ZNF607: variants seen among roughly 807,000 people sequenced by gnomAD.
ZNF607 encodes zinc finger protein 607.
ZNF607 carries 5 observed loss-of-function variants against 12.8 expected under a neutral mutation model. The observed-to-expected ratio is 0.39, with a 90% CI of 0.20 to 0.82. ZNF607 has a LOEUF of 0.82. ZNF607 is among the 40% of genes least tolerant of loss of function. The pLI is 0.39. For synonymous variants in ZNF607, 287 were observed against 276.2 expected (o/e 1.04, Z -0.39); for missense variants, 851 against 859.2 (o/e 0.99, Z 0.12).
chr19:37,701,252 GTGT>G (rs1172297796), intron 4 of ZNF607, among the ~76,000 whole-genome samples: 1 of 152,164 alleles, frequency 6.6e-6, no homozygotes, highest in African/African-American at 2.4e-5. Context: ...AAAAATAGTA[GTGT>G]TGAATATGAA....
rs768575302 is a variant in ZNF607 at position 37,699,600 on chromosome 19, C to T, written c.531G>A (p.Lys177=). The change falls in exon 5 of 5, where the codon AAG becomes AAA. Residue 177 remains lysine, a synonymous_variant. Coordinates refer to ENST00000355202, the MANE Select transcript of ZNF607 (RefSeq NM_032689.5). The part of the protein sequence containing the change: ...EKPYECEECG[K]VFSYPANLAQ... ...CAAGGTTTGCAGGATAACTGAAGAC[C>T]TTCCCACATTCTTCACATTCATAAG... is the stretch of plus-strand genomic sequence containing the variant. 3.7e-6 allele frequency: 6 copies of T among 1,614,078 alleles called. No individual in the cohort carries two copies. The South Asian group carries it at 4.4e-5, about 12-fold the overall frequency.
In ZNF607 at chr19:37,699,637, G is replaced by C. The variant is rs1313583747; in HGVS notation, c.494C>G (p.Ala165Gly). 4.3e-6 allele frequency: 7 copies of C among 1,613,952 alleles called. No individual in the cohort carries two copies. The highest frequency in any genetic ancestry group is 1.3e-5 in the African/African-American group (1 of 74,912). ...TTCACATTCATAAGGTTTCTCACGAGCATTAATTTTCTGATGCTTTCTAAG... is the reference window on the plus strand; with the variant it reads ...TTCACATTCATAAGGTTTCTCACGACCATTAATTTTCTGATGCTTTCTAAG... ...TDLRKHQKINAREKPYECEEC... is the reference protein window; with the variant it reads ...TDLRKHQKINGREKPYECEEC... The change falls in exon 5 of 5, where the codon GCT becomes GGT. Residue 165 changes from alanine (A) to glycine (G), a missense_variant. By Grantham distance (60) the Ala-to-Gly change is moderately conservative. Transcript: ENST00000355202.
chr19:37,718,444 C>T (rs2045196377), intron 1 of ZNF607, among the ~76,000 whole-genome samples: 1 of 152,150 alleles, frequency 6.6e-6, no homozygotes, highest in Non-Finnish European at 1.5e-5. Context: ...TGCAATCATC[C>T]TTCACTGCAG....
At chr19:37,711,547 G>A (rs2145244351) in intron 2 of ZNF607, 63 bp downstream of exon 2, 11 of 1,561,548 alleles carry the variant, frequency 7.0e-6, no homozygotes, top group Non-Finnish European at 9.7e-6. Flanking sequence ...AAAATGATGA[G>A]AAGACATACA....
At position 37,698,265 on chromosome 19, in the gene ZNF607, A is replaced by G. The variant is rs376935991; in HGVS notation, c.1866T>C (p.Cys622=). 6.2e-7 allele frequency: 1 copy of G among 1,614,066 alleles called. No individual in the cohort carries two copies. Among genetic ancestry groups the G allele is most frequent in the African/African-American group, 1.3e-5 (1 of 74,928 alleles). ...ATGAGGCACAGTGAAATGCCTTCCC[A>G]CATCTTTTACATTCATAGGGTTTAT... ...TSDKPYECKR[C]GKAFHCASYL... Residue 622 remains cysteine, a synonymous_variant, in exon 5 of 5, where the codon TGT becomes TGC. Transcript: ENST00000355202.
intron 3 of ZNF607, among the ~76,000 whole-genome samples, chr19:37,709,381 C>T (rs1317031317): frequency 2.0e-5 from 3 of 152,172 alleles, no homozygotes; most frequent in Admixed American, 6.5e-5. Context: ...GAAACCTGAA[C>T]GCCCTGACAA....
Position 37,697,062 on chromosome 19 carries a change from T to A in ZNF607, c.*978A>T. On this transcript the variant is annotated 3_prime_UTR_variant, in exon 5 of 5. Coordinates refer to ENST00000355202, the MANE Select transcript of ZNF607 (RefSeq NM_032689.5). ...AATGAACGGCAGCACACACTCATCG[T>A]AGTCCTCTCCAATGCTGGTGAAGAT... The A allele has an allele frequency of 1.4e-6, 1 of 739,638 alleles. No individual in the cohort carries two copies. The highest frequency in any genetic ancestry group is 2.5e-6 in the Non-Finnish European group (1 of 395,020). The allele number at this position is 739,638 out of a possible 1,614,324, so 45.8% of individuals were successfully genotyped here. A position where few individuals can be genotyped will look rare whatever the true frequency, so the allele number is the denominator to read the frequency against.
Position 37,698,058 on chromosome 19 carries a change from A to G in ZNF607, c.2073T>C (p.His691=). 1 of 1,597,348 alleles carries G rather than the reference A, an allele frequency of 6.3e-7. No individual in the cohort carries two copies. Among genetic ancestry groups the G allele is most frequent in the Non-Finnish European group, 8.5e-7 (1 of 1,174,202 alleles). ...TTCTCTATCAAATATGAATTCTCTG[A>G]TGTACTTCAAGGATGGATCTAAGCC... ...SFRLRSILEV[H]QRIHI is the part of the protein sequence containing the mutation. Residue 691 remains histidine (H), a synonymous_variant, in exon 5 of 5, where the codon CAT becomes CAC. Transcript: ENST00000355202.
Position 37,697,958 on chromosome 19 carries a change from T to C in ZNF607, c.*82A>G. On this transcript the variant is annotated 3_prime_UTR_variant, in exon 5 of 5. Transcript: ENST00000355202. ...TGTATCTCAAAGCCATTCCACATTGTCTTCATTCAAATTGTTCAGTGGGAT... is the reference window on the plus strand; with the variant it reads ...TGTATCTCAAAGCCATTCCACATTGCCTTCATTCAAATTGTTCAGTGGGAT... 8.2e-6 allele frequency: 11 copies of C among 1,340,034 alleles called. No homozygotes were observed. In the South Asian group the frequency reaches 1.6e-4, roughly 19 times the overall value. 83.0% of individuals were successfully genotyped at this position (1,340,034 alleles called of 1,614,324 possible). A position where few individuals can be genotyped will look rare whatever the true frequency, so the allele number is the denominator to read the frequency against.
At position 37,699,323 on chromosome 19, in the gene ZNF607, C is replaced by T. The variant is rs760845651; in HGVS notation, c.808G>A (p.Val270Ile). 3 of 1,612,638 alleles carry T rather than the reference C, an allele frequency of 1.9e-6. No individual in the cohort carries two copies. The highest frequency in any genetic ancestry group is 2.5e-6 in the Non-Finnish European group (3 of 1,179,580). The change falls in exon 5 of 5, where the codon GTA (valine) becomes ATA (isoleucine). Residue 270 changes from valine to isoleucine, a missense_variant. Coordinates refer to ENST00000355202, the MANE Select transcript of ZNF607 (RefSeq NM_032689.5). ...TCTCCAGTATGAATACTCTGATGTACTTTAAGGCCTGCTTTGAGCCTAAAG... is the reference window on the plus strand; with the variant it reads ...TCTCCAGTATGAATACTCTGATGTATTTTAAGGCCTGCTTTGAGCCTAAAG... ...KSFRLKAGLK[V>I]HQSIHTGEKP...
At chr19:37,704,729 G>A (rs368729216) in intron 4 of ZNF607, among the ~76,000 whole-genome samples, 21 of 152,272 alleles carry the variant, frequency 1.4e-4, no homozygotes, top group Middle Eastern at 6.8e-3. Context: ...CCGGGCGAGC[G>A]GGCGGATCAC....
intron 3 of ZNF607, among the ~76,000 whole-genome samples, chr19:37,709,170 T>C (rs2045110803): frequency 6.6e-6 from 1 of 152,220 alleles, no homozygotes; most frequent in South Asian, 2.1e-4. Flanking sequence ...ATAAATCAAA[T>C]GAATTCTGTC....
intron 1 of ZNF607, among the ~76,000 whole-genome samples, chr19:37,716,667 T>C: frequency 6.6e-6 from 1 of 152,192 alleles, no homozygotes; most frequent in Non-Finnish European, 1.5e-5. Context: ...ATTTGTAAAG[T>C]GATTCTCTCT....
At chr19:37,708,338 G>C (rs2145238771) in intron 3 of ZNF607, among the ~76,000 whole-genome samples, 1 of 151,818 alleles carries the variant, frequency 6.6e-6, no homozygotes, top group South Asian at 2.1e-4. Flanking sequence ...TGGGATTATA[G>C]GCGTGCACCA....
At position 37,698,267 on chromosome 19, in the gene ZNF607, A is replaced by G. The variant is rs937531905; in HGVS notation, c.1864T>C (p.Cys622Arg). The G allele has an allele frequency of 1.9e-6, 3 of 1,614,062 alleles. No homozygotes were observed. The highest frequency in any genetic ancestry group is 1.3e-5 in the African/African-American group (1 of 74,918). ...TSDKPYECKRCGKAFHCASYL... is the reference protein window; with the variant it reads ...TSDKPYECKRRGKAFHCASYL... The stretch of plus-strand genomic sequence containing the variant: ...GAGGCACAGTGAAATGCCTTCCCAC[A>G]TCTTTTACATTCATAGGGTTTATCA... Residue 622 changes from cysteine (C) to arginine (R), a missense_variant, in exon 5 of 5, where the codon TGT (cysteine) becomes CGT (arginine). Coordinates refer to ENST00000355202, the MANE Select transcript of ZNF607 (RefSeq NM_032689.5).
intron 1 of ZNF607, among the ~76,000 whole-genome samples, chr19:37,716,440 G>C (rs868825966): frequency 1.3e-5 from 2 of 152,330 alleles, no homozygotes; most frequent in South Asian, 4.1e-4. Context: ...TTTAGCATGA[G>C]TGACTTCATT....
intron 1 of ZNF607, among the ~76,000 whole-genome samples, chr19:37,717,375 C>T (rs545866972): frequency 5.6e-4 from 85 of 151,898 alleles, no homozygotes; most frequent in Non-Finnish European, 7.4e-4. Flanking sequence ...TTAGTAGAGA[C>T]GGGGTTTCAC....
chr19:37,697,006 G>A lies in ZNF607; in HGVS notation c.*1034C>T, dbSNP rs1568401367. 4 of 717,812 alleles carry A rather than the reference G, an allele frequency of 5.6e-6. No homozygotes were observed. Among genetic ancestry groups the A allele is most frequent in the East Asian group, 2.7e-5 (1 of 37,454 alleles). 44.5% of individuals were successfully genotyped at this position (717,812 alleles called of 1,614,324 possible). ...GTGATTAGTTCTCCAGCATCAAAGC[G>A]AGCCACCAGTGACTTGAGGATCTCC... On this transcript the variant is annotated 3_prime_UTR_variant, in exon 5 of 5. Coordinates refer to ENST00000355202, the MANE Select transcript of ZNF607 (RefSeq NM_032689.5).
intron 4 of ZNF607, chr19:37,706,473 C>G (rs544606386): frequency 1.3e-5 from 2 of 152,260 alleles, no homozygotes; most frequent in African/African-American, 4.8e-5. Flanking sequence ...TTCAATTCTT[C>G]CAGTCTTTAT....
Sources: gnomAD v4.1 joint callset for allele counts (sites outside exome capture counted in the v4.1 genomes callset) on GRCh38, gnomAD v4.1.1 for gene constraint, MANE v1.5 for transcripts, NCBI Gene and HGNC (gene_info 2026-07-23, HGNC 2026-07-21) for gene names.